The following TBP variants were observed in gnomAD, a reference collection of about 807,000 sequenced individuals.
TBP encodes TATA-box-binding protein.
In TBP, 12 loss-of-function variants were observed where a neutral mutation model predicts 46.2. The ratio of observed to expected loss-of-function variants is 0.26; its 90% CI spans 0.17 to 0.42. The LOEUF is 0.42. Among genes scored for constraint, TBP ranks in the 10% least tolerant of loss-of-function variants. The probability of loss-of-function intolerance (pLI) is 1.00; values close to 1 mark genes in which losing one functional copy is unlikely to be tolerated. For synonymous variants in TBP, 157 were observed against 148.3 expected (o/e 1.06, Z -0.42); for missense variants, 229 against 403.1 (o/e 0.57, Z 3.70).
chr6:170,556,678 T>G (rs1395595109), intron 1 of TBP, among the ~76,000 whole-genome samples: 1 of 152,240 alleles, frequency 6.6e-6, no homozygotes, highest in Non-Finnish European at 1.5e-5. Flanking sequence ...ACAAAATGAT[T>G]TTTGTTTTGT....
chr6:170,557,514 C>G (rs1779050834), intron 2 of TBP, among the ~76,000 whole-genome samples: 1 of 152,088 alleles, frequency 6.6e-6, no homozygotes, highest in Non-Finnish European at 1.5e-5. Flanking sequence ...GTGGGCGGAT[C>G]ACCTGAGGTC....
intron 6 of TBP, among the ~76,000 whole-genome samples, 173 bp from the exon 7 acceptor site, chr6:170,571,237 G>T (rs562109830): frequency 6.6e-6 from 1 of 152,314 alleles, no homozygotes; most frequent in African/African-American, 2.4e-5. Flanking sequence ...ACGACTACAA[G>T]TCGGCCTCAC....
At chr6:170,563,127 G>T (rs1172964601) in intron 3 of TBP, among the ~76,000 whole-genome samples, 1 of 152,164 alleles carries the variant, frequency 6.6e-6, no homozygotes, top group African/African-American at 2.4e-5. Flanking sequence ...TAAAAACAAA[G>T]TAATTTTAGT....
Position 170,572,677 on chromosome 6 carries a change from A to C in TBP, c.*412A>C, listed in dbSNP as rs1562363767. 1 of 172,104 alleles carries C rather than the reference A, an allele frequency of 5.8e-6. No homozygotes were observed. The highest frequency in any genetic ancestry group is 1.2e-5 in the Non-Finnish European group (1 of 81,656). The allele number at this position is 172,104 out of a possible 1,614,324, so 10.7% of individuals were successfully genotyped here. On this transcript the variant is annotated 3_prime_UTR_variant, in exon 8 of 8. Coordinates refer to ENST00000392092, the MANE Select transcript of TBP (RefSeq NM_003194.5). ...TTATATTTCTACCAGAAAAGTAAAA[A>C]TCTTTTTTAAAAGTGTTGTTTTTCT...
chr6:170,571,653 C>T (rs1779368148), intron 7 of TBP, 149 bp downstream of exon 7: 3 of 641,146 alleles, frequency 4.7e-6, no homozygotes, highest in Non-Finnish European at 8.2e-6. Flanking sequence ...AGAAACGTGC[C>T]CACTAAAGGC....
chr6:170,572,301 C>CA lies in TBP; in HGVS notation c.*36_*37insA. 2 of 1,210,088 alleles carry CA rather than the reference C, an allele frequency of 1.7e-6. No individual in the cohort carries two copies. Among genetic ancestry groups the CA allele is most frequent in the Non-Finnish European group, 2.3e-6 (2 of 867,008 alleles). 75.0% of individuals were successfully genotyped at this position (1,210,088 alleles called of 1,614,324 possible). ...GTACCCTTGCCTCCCCCACCCCCTT[C>CA]TTTTTTTTTTTTTAAACAAATCAGT... On this transcript the variant is annotated 3_prime_UTR_variant, in exon 8 of 8. Coordinates refer to ENST00000392092, the MANE Select transcript of TBP (RefSeq NM_003194.5).
chr6:170,561,887 A>G lies in TBP; in HGVS notation c.151A>G (p.Ile51Val), dbSNP rs773389193. The G allele has an allele frequency of 1.2e-5, 19 of 1,613,804 alleles. No individual in the cohort carries two copies. The highest frequency in any genetic ancestry group is 4.5e-5 in the East Asian group (2 of 44,854). The change falls in exon 3 of 8, where the codon ATT becomes GTT. Residue 51 changes from isoleucine to valine, a missense_variant. Ile to Val is a conservative substitution (Grantham distance 29). This residue lies in a region of TBP where 49 missense variants were observed against 94.7 expected (regional missense o/e 0.52). Transcript: ENST00000392092. ...TATTCAGAACACCAATAGTCTGTCT[A>G]TTTTGGAAGAGCAACAAAGGCAGCA... is the stretch of plus-strand genomic sequence containing the variant. The part of the protein sequence containing the change: ...QPIQNTNSLS[I>V]LEEQQRQQQQ...
At chr6:170,564,809 C>G (rs1201354314) in intron 4 of TBP, among the ~76,000 whole-genome samples, 177 bp downstream of exon 4, 2 of 151,314 alleles carry the variant, frequency 1.3e-5, no homozygotes, top group Non-Finnish European at 2.9e-5. Context: ...TTTCTTGAAC[C>G]TAGGAGTTCA....
chr6:170,561,924 A>AGC lies in TBP; in HGVS notation c.188_189insGC (p.Gln64HisfsTer81), dbSNP rs779192906. The stretch of plus-strand genomic sequence containing the variant: ...CAACAAAGGCAGCAGCAGCAACAAC[A>AGC]ACAGCAGCAGCAGCAGCAGCAGCAG... On this transcript the variant is annotated frameshift_variant, in exon 3 of 8. Transcript: ENST00000392092. LOFTEE classifies it high-confidence loss of function. 1.3e-5 allele frequency: 20 copies of AGC among 1,548,258 alleles called. No individual in the cohort carries two copies. The highest frequency in any genetic ancestry group is 5.8e-5 in the Admixed American group (3 of 51,938).
At chr6:170,556,213 AAT>A (rs1488765764) in intron 1 of TBP, among the ~76,000 whole-genome samples, 3 of 152,224 alleles carry the variant, frequency 2.0e-5, no homozygotes, top group African/African-American at 7.2e-5. Flanking sequence ...TCTATGTGAG[AAT>A]ATGTTGTTAT....
chr6:170,563,099 T>A (rs568507471), intron 3 of TBP, among the ~76,000 whole-genome samples: 1 of 152,336 alleles, frequency 6.6e-6, no homozygotes, highest in South Asian at 2.1e-4. Flanking sequence ...CAATTTTGTT[T>A]GACCCCACAC....
At chr6:170,556,375 TTA>T (rs201430534) in intron 1 of TBP, among the ~76,000 whole-genome samples, 82,622 of 150,090 alleles carry the variant, frequency 0.55, 23,104 homozygotes, top group East Asian at 0.78. Flanking sequence ...TTTTTTTTTT[TTA>T]ACAGTTTCAT....
intron 5 of TBP, 140 bp from the exon 6 acceptor site, chr6:170,569,468 TGTCA>T: frequency 1.7e-6 from 1 of 589,728 alleles, no homozygotes; most frequent in South Asian, 2.9e-5. Context: ...TGTGAATGCC[TGTCA>T]GTCTTTTCTC....
intron 4 of TBP, among the ~76,000 whole-genome samples, chr6:170,565,853 A>G (rs9348344): frequency 0.55 from 83,931 of 151,988 alleles, 23,707 homozygotes; most frequent in East Asian, 0.79. Context: ...TGGGAGGATC[A>G]CTTGAGGCCA....
chr6:170,561,714 C>T (rs1053342137), intron 2 of TBP, 77 bp from the exon 3 acceptor site: 18 of 1,556,056 alleles, frequency 1.2e-5, no homozygotes, highest in Middle Eastern at 1.9e-4. Context: ...CACACCTGAC[C>T]TGCTGTTCCA....
Position 170,569,657 on chromosome 6 carries a change from A to G in TBP, c.723A>G (p.Val241=), listed in dbSNP as rs1752172751. The G allele has an allele frequency of 1.9e-6, 3 of 1,614,158 alleles. No individual in the cohort carries two copies. The highest frequency in any genetic ancestry group is 2.5e-6 in the Non-Finnish European group (3 of 1,180,012). ...CAGCAAGAAAATATGCTAGAGTTGT[A>G]CAGAAGTTGGGTTTTCCAGCTAAGT... ...RLAARKYARV[V]QKLGFPAKFL... is the part of the protein sequence containing the mutation. Residue 241 remains valine (V), a synonymous_variant, in exon 6 of 8, where the codon GTA becomes GTG. Coordinates refer to ENST00000392092, the MANE Select transcript of TBP (RefSeq NM_003194.5).
At chr6:170,570,498 G>T (rs1043758354) in intron 6 of TBP, among the ~76,000 whole-genome samples, 3 of 152,134 alleles carry the variant, frequency 2.0e-5, no homozygotes, top group African/African-American at 7.2e-5. Flanking sequence ...CCTGTTTTCA[G>T]TCTCTCCGAA....
intron 7 of TBP, among the ~76,000 whole-genome samples, 161 bp downstream of exon 7, chr6:170,571,665 C>T (rs1352603768): frequency 6.6e-6 from 1 of 152,136 alleles, no homozygotes; most frequent in Non-Finnish European, 1.5e-5. Context: ...ACTAAAGGCA[C>T]AGTGAGAGCA....
intron 2 of TBP, among the ~76,000 whole-genome samples, chr6:170,560,344 A>AT (rs1237773339): frequency 6.6e-6 from 1 of 152,046 alleles, no homozygotes; most frequent in South Asian, 2.1e-4. Flanking sequence ...ACAAAAAAAA[A>AT]TTTTTTTTTA....
Sources: allele counts gnomAD v4.1 joint callset (sites outside exome capture counted in the v4.1 genomes callset), GRCh38; gene constraint gnomAD v4.1.1; regional missense constraint gnomAD v4.1.1; transcripts MANE v1.5; gene names NCBI Gene and HGNC (gene_info 2026-07-23, HGNC 2026-07-21).